Variants in FAM171B observed in about 807,000 individuals in gnomAD.
FAM171B encodes the protein protein FAM171B.
A neutral mutation model predicts 75.6 loss-of-function variants in FAM171B; 19 were observed. That is an observed-to-expected ratio of 0.25 (90% CI 0.18 to 0.37). The LOEUF (loss-of-function observed/expected upper bound fraction) is 0.37. Among genes scored for constraint, FAM171B ranks in the 10% least tolerant of loss-of-function variants. The probability of loss-of-function intolerance (pLI) is 1.00; values close to 1 mark genes in which losing one functional copy is unlikely to be tolerated. For missense variants in FAM171B, 848 were observed against 982.4 expected, an observed-to-expected ratio of 0.86 and a Z score of 1.83; for synonymous variants, 367 against 361.7, an observed-to-expected ratio of 1.01 and a Z score of -0.17.
chr2:186,738,535 C>T (rs925708054), intron 1 of FAM171B, among the ~76,000 whole-genome samples: 3 of 151,900 alleles, frequency 2.0e-5, no homozygotes, highest in African/African-American at 7.3e-5. Context: ...CCAAAAGGAA[C>T]CAATCAAGAG....
intron 1 of FAM171B, among the ~76,000 whole-genome samples, chr2:186,723,047 T>C (rs1224631184): frequency 6.6e-6 from 1 of 152,220 alleles, no homozygotes; most frequent in Non-Finnish European, 1.5e-5. Context: ...TATAGTCGTC[T>C]CCAGACTTCA....
chr2:186,754,124 GT>G, intron 6 of FAM171B, 75 bp downstream of exon 6: 1 of 1,106,486 alleles, frequency 9.0e-7, no homozygotes, highest in Non-Finnish European at 1.3e-6. Context: ...GCAGACCTCA[GT>G]TTTATTCTAA....
At chr2:186,699,572 A>G (rs569034862) in intron 1 of FAM171B, among the ~76,000 whole-genome samples, 54 of 152,170 alleles carry the variant, frequency 3.5e-4, no homozygotes, top group Admixed American at 3.2e-3. Context: ...CTCCCATTCT[A>G]TGGGTTATCT....
At chr2:186,702,318 CAT>C (rs1328614542) in intron 1 of FAM171B, among the ~76,000 whole-genome samples, 1 of 152,162 alleles carries the variant, frequency 6.6e-6, no homozygotes, top group Admixed American at 6.5e-5. Flanking sequence ...TGTATCTAAA[CAT>C]AGAAAAGGCA....
At chr2:186,701,228 T>C (rs988573659) in intron 1 of FAM171B, among the ~76,000 whole-genome samples, 7 of 152,178 alleles carry the variant, frequency 4.6e-5, no homozygotes, top group Non-Finnish European at 1.0e-4. Flanking sequence ...GCTAACTTTA[T>C]TTTTAAATTG....
intron 1 of FAM171B, among the ~76,000 whole-genome samples, chr2:186,735,988 A>G (rs114045755): frequency 2.6e-5 from 4 of 152,330 alleles, no homozygotes; most frequent in Non-Finnish European, 4.4e-5. Context: ...TATTATCATT[A>G]AAGATGCAAA....
intron 6 of FAM171B, among the ~76,000 whole-genome samples, chr2:186,760,823 T>C (rs1407380093): frequency 6.6e-6 from 1 of 152,086 alleles, no homozygotes; most frequent in Non-Finnish European, 1.5e-5. Flanking sequence ...GTTGAAGGAA[T>C]AACAACTCTC....
At chr2:186,738,464 T>C (rs1224544581) in intron 1 of FAM171B, among the ~76,000 whole-genome samples, 4 of 151,912 alleles carry the variant, frequency 2.6e-5, no homozygotes, top group African/African-American at 9.7e-5. Flanking sequence ...GGGGAGTGCA[T>C]GCAGAATAGT....
chr2:186,711,881 T>C (rs187925816), intron 1 of FAM171B, among the ~76,000 whole-genome samples: 1 of 152,334 alleles, frequency 6.6e-6, no homozygotes, highest in East Asian at 1.9e-4. Context: ...GTGATTATCT[T>C]TATCTAATTG....
chr2:186,703,084 C>T (rs1028657927), intron 1 of FAM171B, among the ~76,000 whole-genome samples: 1 of 151,116 alleles, frequency 6.6e-6, no homozygotes, highest in Non-Finnish European at 1.5e-5. Flanking sequence ...TATACACACA[C>T]ACACACACAC....
chr2:186,738,711 T>C (rs924618767), intron 1 of FAM171B, among the ~76,000 whole-genome samples: 9 of 152,304 alleles, frequency 5.9e-5, no homozygotes, highest in South Asian at 2.1e-4. Context: ...TTGCTATTGA[T>C]AGCATTAGAG....
rs767276043 is a variant in FAM171B, at chr2:186,762,851, C to A, written c.*28C>A. 2 of 1,579,508 alleles carry A rather than the reference C, an allele frequency of 1.3e-6. No homozygotes were observed. Among genetic ancestry groups the A allele is most frequent in the South Asian group, 1.2e-5 (1 of 84,558 alleles). ...CCAATGGGGATTGTGTGTCTGCTGT[C>A]TCGTGCTGTTTATTCTTGCTTCTTG... is the stretch of plus-strand genomic sequence containing the variant. On this transcript the variant is annotated 3_prime_UTR_variant, in exon 8 of 8. Coordinates refer to ENST00000304698, the MANE Select transcript of FAM171B (RefSeq NM_177454.4). This position sits in a 1 kb window ranked among gnomAD's most constrained non-coding sequence, Gnocchi z 4.0.
chr2:186,737,448 C>T (rs1690220290), intron 1 of FAM171B, among the ~76,000 whole-genome samples: 1 of 152,164 alleles, frequency 6.6e-6, no homozygotes, highest in Non-Finnish European at 1.5e-5. Context: ...CCTTGACCTC[C>T]TGGGCTAAAT....
At chr2:186,753,693 T>G in intron 5 of FAM171B, among the ~76,000 whole-genome samples, 1 of 152,144 alleles carries the variant, frequency 6.6e-6, no homozygotes, top group East Asian at 1.9e-4. Flanking sequence ...GATTACCAGC[T>G]TGAGCCACCG....
intron 6 of FAM171B, among the ~76,000 whole-genome samples, chr2:186,759,126 A>T (rs1294934924): frequency 2.6e-5 from 4 of 152,104 alleles, no homozygotes; most frequent in African/African-American, 9.7e-5. Flanking sequence ...AGATGACGGG[A>T]TCACATCCTT....
chr2:186,750,306 C>T (rs1490790154), intron 4 of FAM171B, among the ~76,000 whole-genome samples: 1 of 152,058 alleles, frequency 6.6e-6, no homozygotes, highest in East Asian at 1.9e-4. Context: ...CTCTCTCCGC[C>T]CAGAGTAACA....
At chr2:186,704,000 T>G (rs1357741611) in intron 1 of FAM171B, among the ~76,000 whole-genome samples, 3 of 152,184 alleles carry the variant, frequency 2.0e-5, no homozygotes, top group Non-Finnish European at 4.4e-5. Context: ...GGGATTATGG[T>G]TAATTCGGTT....
chr2:186,722,510 T>TG (rs1159502527), intron 1 of FAM171B, among the ~76,000 whole-genome samples: 4 of 152,218 alleles, frequency 2.6e-5, no homozygotes, highest in Non-Finnish European at 5.9e-5. Context: ...TGATCAACTG[T>TG]TTCACATTTT....
chr2:186,761,631 C>A lies in FAM171B; in HGVS notation c.1289C>A (p.Ala430Asp). ...KAEDKSQLFN[A>D]KNSSYSPQKK... ...GAGGACAAGTCGCAGTTATTCAATG[C>A]CAAAAACTCCTCATATAGTCCTCAG... The change falls in exon 8 of 8, where the codon GCC (alanine) becomes GAC (aspartate). Residue 430 changes from alanine (A) to aspartate (D), a missense_variant. Ala to Asp is a moderately radical substitution (Grantham distance 126, BLOSUM62 -2). Transcript: ENST00000304698. 1.2e-6 allele frequency: 2 copies of A among 1,613,070 alleles called. No homozygotes were observed. The highest frequency in any genetic ancestry group is 1.7e-6 in the Non-Finnish European group (2 of 1,179,554).
Sources: gnomAD v4.1 joint callset for allele counts (sites outside exome capture counted in the v4.1 genomes callset) on GRCh38, gnomAD v4.1.1 for gene constraint, Gnocchi (gnomAD v3.1) non-coding constraint, MANE v1.5 for transcripts, NCBI Gene and HGNC (gene_info 2026-07-23, HGNC 2026-07-21) for gene names.